The following DLEU7 variants were observed in gnomAD, a reference collection of about 807,000 sequenced individuals.
DLEU7 encodes the protein deleted in lymphocytic leukemia 7, also known as leukemia-associated protein 7.
DLEU7 carries 17 observed loss-of-function variants against 16.0 expected under a neutral mutation model. The ratio of observed to expected loss-of-function variants is 1.06; its 90% CI spans 0.73 to 1.59. The LOEUF is 1.59. Ranked by LOEUF, DLEU7 falls within the 40% of genes most tolerant of loss-of-function variation. DLEU7 has a pLI of 0.00. For missense variants in DLEU7, 308 were observed against 314.9 expected (o/e 0.98, Z 0.17); for synonymous variants, 113 against 139.8 (o/e 0.81, Z 1.35).
chr13:50,734,186 A>G (rs2051617377), intron 1 of DLEU7, among the ~76,000 whole-genome samples: 1 of 152,212 alleles, frequency 6.6e-6, no homozygotes. Flanking sequence ...AATCAAGGCA[A>G]GTCACTCTAT....
rs555752194 is a variant in DLEU7, at chr13:50,764,949, C to G, written c.460-51709G>C. Among the ~76,000 whole-genome samples the G allele has an allele frequency of 9.4e-4, 143 of 152,256 alleles. 2 individuals carry two copies. The highest frequency in any genetic ancestry group is 3.0e-3 in the African/African-American group (125 of 41,532). On this transcript the variant is annotated intron_variant, in intron 1 of 1. Coordinates refer to the DLEU7 transcript ENST00000400393. ...CCAGGCTGGAGTGCAGTGGGGCAAT[C>G]TCGGCTCACTGCAACTTCTGCATCC...
At chr13:50,733,036 G>A (rs532551132) in intron 1 of DLEU7, among the ~76,000 whole-genome samples, 74 of 152,252 alleles carry the variant, frequency 4.9e-4, no homozygotes, top group Admixed American at 5.9e-4. Context: ...GCATGTATGC[G>A]CACTCACACA....
At chr13:50,814,565 AAACAAAAAG>A (rs1876665307) in intron 1 of DLEU7, among the ~76,000 whole-genome samples, 1 of 151,696 alleles carries the variant, frequency 6.6e-6, no homozygotes, top group African/African-American at 2.4e-5. Context: ...TTAGACAAAG[AAACAAAAAG>A]AACATAAAGA....
chr13:50,717,059 A>T (rs1873458549), intron 1 of DLEU7, among the ~76,000 whole-genome samples: 1 of 152,244 alleles, frequency 6.6e-6, no homozygotes, highest in Non-Finnish European at 1.5e-5. Context: ...ATAAATTGAA[A>T]ATAATCTAAT....
chr13:50,770,336 C>A (rs1001216215), intron 1 of DLEU7, among the ~76,000 whole-genome samples: 4 of 152,170 alleles, frequency 2.6e-5, no homozygotes, highest in African/African-American at 9.7e-5. Context: ...GAGAGGGCAT[C>A]CCTGTCTTGT....
At chr13:50,767,282 C>G (rs546366595) in intron 1 of DLEU7, among the ~76,000 whole-genome samples, 1 of 151,938 alleles carries the variant, frequency 6.6e-6, no homozygotes, top group South Asian at 2.1e-4. Context: ...AGTGAAACCC[C>G]GACTCTACTA....
chr13:50,778,341 CAT>C (rs1167754623), intron 1 of DLEU7, among the ~76,000 whole-genome samples: 1 of 152,176 alleles, frequency 6.6e-6, no homozygotes, highest in Non-Finnish European at 1.5e-5. Flanking sequence ...CCTTCCCTGA[CAT>C]GTGGGGATTA....
intron 1 of DLEU7, among the ~76,000 whole-genome samples, chr13:50,725,150 T>G (rs1266582516): frequency 6.6e-6 from 1 of 152,086 alleles, no homozygotes; most frequent in Non-Finnish European, 1.5e-5. Flanking sequence ...GTGACCTACC[T>G]TGCCTCCACT....
intron 1 of DLEU7, among the ~76,000 whole-genome samples, chr13:50,794,051 T>A (rs1184435350): frequency 6.6e-6 from 1 of 152,198 alleles, no homozygotes; most frequent in Non-Finnish European, 1.5e-5. Context: ...AGATGTGCAG[T>A]TTTATTCTTC....
chr13:50,814,600 C>T (rs1808410596), intron 1 of DLEU7, among the ~76,000 whole-genome samples: 1 of 151,064 alleles, frequency 6.6e-6, no homozygotes. Flanking sequence ...ATTGGGCCAA[C>T]CAACATGGCT....
intron 1 of DLEU7, among the ~76,000 whole-genome samples, chr13:50,793,203 A>G (rs745724322): frequency 6.6e-5 from 10 of 152,130 alleles, no homozygotes; most frequent in African/African-American, 2.4e-4. Context: ...TGCAAAGGAC[A>G]TGATGTCATT....
At chr13:50,767,109 C>T (rs1182554823) in intron 1 of DLEU7, among the ~76,000 whole-genome samples, 1 of 152,202 alleles carries the variant, frequency 6.6e-6, no homozygotes, top group Non-Finnish European at 1.5e-5. Context: ...ATGAGAACAA[C>T]ATCTATACAT....
chr13:50,819,784 C>T (rs998979265), downstream of DLEU7, among the ~76,000 whole-genome samples: 8 of 152,120 alleles, frequency 5.3e-5, no homozygotes, highest in South Asian at 2.1e-4. Flanking sequence ...AAATGACTTT[C>T]GGCATCCAAG....
intron 1 of DLEU7, among the ~76,000 whole-genome samples, chr13:50,732,742 T>C (rs965197245): frequency 2.6e-5 from 4 of 151,866 alleles, no homozygotes; most frequent in Admixed American, 2.6e-4. Context: ...AAATTCAAAA[T>C]GAATTCTATT....
At chr13:50,831,114 AGAGGG>A (rs144936257) in intron 1 of DLEU7, among the ~76,000 whole-genome samples, 5,067 of 131,276 alleles carry the variant, frequency 0.039, 310 homozygotes, top group African/African-American at 0.13. Context: ...AAGGAGGAGG[AGAGGG>A]GAGGGGAGGG....
intron 1 of DLEU7, among the ~76,000 whole-genome samples, chr13:50,754,584 C>T (rs1024792298): frequency 6.6e-6 from 1 of 152,130 alleles, no homozygotes. Flanking sequence ...AGGTGAGTCT[C>T]CTGAAAGCAG....
chr13:50,730,233 A>G (rs1273468823), intron 1 of DLEU7, among the ~76,000 whole-genome samples: 1 of 152,004 alleles, frequency 6.6e-6, no homozygotes, highest in Non-Finnish European at 1.5e-5. Context: ...CAGCACACTC[A>G]GTGTAACTTT....
intron 1 of DLEU7, among the ~76,000 whole-genome samples, chr13:50,752,892 C>T (rs1874619156): frequency 6.6e-6 from 1 of 152,142 alleles, no homozygotes; most frequent in South Asian, 2.1e-4. Context: ...CTTTTATTCT[C>T]TTATCTGGCC....
downstream of DLEU7, chr13:50,822,530 A>C: frequency 1.4e-6 from 1 of 726,112 alleles, no homozygotes; most frequent in Non-Finnish European, 1.7e-6. Flanking sequence ...TCCCGGCTCT[A>C]AACGGTTTGG....
Sources: gnomAD v4.1 joint callset for allele counts (sites outside exome capture counted in the v4.1 genomes callset) on GRCh38, gnomAD v4.1.1 for gene constraint, MANE v1.5 for transcripts, NCBI Gene and HGNC (gene_info 2026-07-23, HGNC 2026-07-21) for gene names.